Variants in THSD7B observed in about 807,000 individuals in gnomAD.
THSD7B encodes the protein thrombospondin type-1 domain-containing protein 7B.
Under a neutral mutation model 213.6 loss-of-function variants are expected in THSD7B, and 138 were observed. That is an observed-to-expected ratio of 0.65 (90% CI 0.56 to 0.74). THSD7B has a LOEUF of 0.74. THSD7B is among the 30% of genes least tolerant of loss of function. The pLI is 0.00. For synonymous variants in THSD7B, 742 were observed against 687.0 expected (o/e 1.08, Z -1.25); for missense variants, 1,931 against 1,991.5 (o/e 0.97, Z 0.58).
At chr2:136,909,417 T>G (rs1684222142) in intron 2 of THSD7B, among the ~76,000 whole-genome samples, 1 of 152,176 alleles carries the variant, frequency 6.6e-6, no homozygotes, top group Non-Finnish European at 1.5e-5. Flanking sequence ...GATACTCTAC[T>G]GTTTGTGCTC....
Position 137,202,461 on chromosome 2 carries a change from A to G in THSD7B, c.1724-28583A>G, listed in dbSNP as rs1159447879. Among the ~76,000 whole-genome samples the G allele has an allele frequency of 8.5e-5, 13 of 152,314 alleles. No individual in the cohort carries two copies. The South Asian group carries it at 2.5e-3, about 29-fold the overall frequency. ...GATGGCGAGGTGAAAAGAAAGAAGCAGAGCAGAGTGGTTTAACCACAAGCC... is the reference window on the plus strand; with the variant it reads ...GATGGCGAGGTGAAAAGAAAGAAGCGGAGCAGAGTGGTTTAACCACAAGCC... On this transcript the variant is annotated intron_variant, in intron 7 of 27. Transcript: ENST00000409968.
intron 15 of THSD7B, among the ~76,000 whole-genome samples, chr2:137,535,457 G>A (rs1035766882): frequency 2.6e-5 from 4 of 151,762 alleles, no homozygotes; most frequent in Admixed American, 6.6e-5. Flanking sequence ...CAATGACCAC[G>A]TAGGCTCCAT....
chr2:137,412,895 T>C (rs1296626233), intron 14 of THSD7B, among the ~76,000 whole-genome samples: 4 of 146,236 alleles, frequency 2.7e-5, no homozygotes, highest in Non-Finnish European at 6.1e-5. Flanking sequence ...CTTTCTTTCT[T>C]TTTTTTTTTT....
chr2:137,147,538 T>G (rs538030803), intron 5 of THSD7B, among the ~76,000 whole-genome samples: 1 of 152,114 alleles, frequency 6.6e-6, no homozygotes, highest in Admixed American at 6.5e-5. Context: ...GTTTTTTTTT[T>G]GTTTTTTGTC....
chr2:137,240,294 T>G (rs1681872325), intron 9 of THSD7B, among the ~76,000 whole-genome samples: 1 of 152,250 alleles, frequency 6.6e-6, no homozygotes, highest in South Asian at 2.1e-4. Flanking sequence ...AATTTATTCG[T>G]CTCTGTTTTG....
At chr2:137,400,294 G>T (rs1686321959) in intron 12 of THSD7B, among the ~76,000 whole-genome samples, 1 of 148,264 alleles carries the variant, frequency 6.7e-6, no homozygotes, top group Admixed American at 6.7e-5. Context: ...GTAATACCTT[G>T]TTTTTTTTTT....
chr2:136,903,637 C>A (rs1684097764), intron 2 of THSD7B, among the ~76,000 whole-genome samples: 1 of 152,132 alleles, frequency 6.6e-6, no homozygotes, highest in Non-Finnish European at 1.5e-5. Context: ...AGCACCACAC[C>A]TCACCCTTCA....
intron 12 of THSD7B, among the ~76,000 whole-genome samples, chr2:137,311,141 G>A (rs570086809): frequency 6.6e-6 from 1 of 151,356 alleles, no homozygotes; most frequent in Admixed American, 6.6e-5. Flanking sequence ...CCATGAGCAT[G>A]GAATGTTCTT....
intron 12 of THSD7B, among the ~76,000 whole-genome samples, chr2:137,371,393 A>G (rs750363417): frequency 1.3e-5 from 2 of 152,220 alleles, no homozygotes; most frequent in Non-Finnish European, 2.9e-5. Context: ...TTCCTTCAGC[A>G]TCTTGCAGAT....
intron 2 of THSD7B, among the ~76,000 whole-genome samples, chr2:136,955,488 G>A (rs1222781447): frequency 6.6e-6 from 1 of 152,140 alleles, no homozygotes; most frequent in African/African-American, 2.4e-5. Context: ...AACTCTGAGA[G>A]TAACAGATAT....
intron 14 of THSD7B, among the ~76,000 whole-genome samples, chr2:137,423,572 C>A (rs1244129630): frequency 2.6e-5 from 4 of 151,924 alleles, no homozygotes; most frequent in African/African-American, 9.7e-5. Context: ...ACTTAAGAAT[C>A]TATTTAACGA....
At chr2:136,992,434 A>G (rs1389625438) in intron 2 of THSD7B, among the ~76,000 whole-genome samples, 1 of 152,366 alleles carries the variant, frequency 6.6e-6, no homozygotes, top group South Asian at 2.1e-4. Context: ...GGGTTCTCCC[A>G]GTAGCTGACC....
At chr2:137,366,699 G>A (rs1573986990) in intron 12 of THSD7B, among the ~76,000 whole-genome samples, 1 of 151,508 alleles carries the variant, frequency 6.6e-6, no homozygotes, top group Admixed American at 6.6e-5. Flanking sequence ...TCTAAGAAAG[G>A]CAAATAAAAG....
At chr2:137,044,846 T>G (rs1686942378) in intron 2 of THSD7B, among the ~76,000 whole-genome samples, 1 of 152,200 alleles carries the variant, frequency 6.6e-6, no homozygotes, top group South Asian at 2.1e-4. Flanking sequence ...AGGCTGCCAC[T>G]GACCTTCTGA....
At chr2:137,466,104 T>C (rs991812010) in intron 15 of THSD7B, among the ~76,000 whole-genome samples, 3 of 152,188 alleles carry the variant, frequency 2.0e-5, no homozygotes, top group Non-Finnish European at 4.4e-5. Context: ...TAAAATGATA[T>C]AAGTTTATAA....
intron 12 of THSD7B, among the ~76,000 whole-genome samples, chr2:137,308,390 C>G (rs1461729490): frequency 6.6e-6 from 1 of 152,018 alleles, no homozygotes; most frequent in East Asian, 1.9e-4. Flanking sequence ...TGAAGCATTT[C>G]TATGCTTTGA....
intron 13 of THSD7B, among the ~76,000 whole-genome samples, chr2:137,409,014 G>A (rs945826567): frequency 6.6e-6 from 1 of 152,226 alleles, no homozygotes; most frequent in African/African-American, 2.4e-5. Flanking sequence ...ATCGTAACAT[G>A]CTAGCGGCAG....
intron 5 of THSD7B, among the ~76,000 whole-genome samples, chr2:137,158,035 A>C (rs1039141860): frequency 6.6e-6 from 1 of 152,222 alleles, no homozygotes; most frequent in Non-Finnish European, 1.5e-5. Flanking sequence ...ATGCTCTGGC[A>C]CATCTCTTTC....
intron 2 of THSD7B, among the ~76,000 whole-genome samples, chr2:137,012,358 G>C (rs1018919727): frequency 2.6e-5 from 4 of 152,134 alleles, no homozygotes; most frequent in Non-Finnish European, 5.9e-5. Flanking sequence ...AGCTCCTTAT[G>C]CAAAAGATGG....
Sources: gnomAD v4.1 joint callset for allele counts (sites outside exome capture counted in the v4.1 genomes callset) on GRCh38, gnomAD v4.1.1 for gene constraint, MANE v1.5 for transcripts, NCBI Gene and HGNC (gene_info 2026-07-23, HGNC 2026-07-21) for gene names.